Variants in PDE2A observed in about 807,000 individuals in gnomAD.
PDE2A encodes the protein cGMP-dependent 3',5'-cyclic phosphodiesterase.
PDE2A carries 53 observed loss-of-function variants against 133.6 expected under a neutral mutation model. That is an observed-to-expected ratio of 0.40 (90% CI 0.32 to 0.50). The LOEUF is 0.50. PDE2A is among the 20% of genes least tolerant of loss of function. PDE2A has a pLI of 0.73. For missense variants in PDE2A, 796 were observed against 1,232.4 expected, an observed-to-expected ratio of 0.65 and a Z score of 5.30; for synonymous variants, 491 against 490.2, an observed-to-expected ratio of 1.00 and a Z score of -0.02.
intron 1 of PDE2A, among the ~76,000 whole-genome samples, chr11:72,660,068 T>A (rs1855008390): frequency 6.6e-6 from 1 of 151,938 alleles, no homozygotes; most frequent in Non-Finnish European, 1.5e-5. Flanking sequence ...CTATAAGAAG[T>A]CCCCCTCAAA....
intron 1 of PDE2A, among the ~76,000 whole-genome samples, chr11:72,649,004 C>A (rs1174606769): frequency 3.3e-5 from 5 of 152,178 alleles, no homozygotes; most frequent in Non-Finnish European, 5.9e-5. Context: ...ACACCTAAAT[C>A]TGATTCTGCC....
chr11:72,583,880 G>A (rs1004012321), intron 19 of PDE2A, among the ~76,000 whole-genome samples: 2 of 152,204 alleles, frequency 1.3e-5, no homozygotes, highest in African/African-American at 2.4e-5. Context: ...CCTGGACACC[G>A]AGACCCAGCA....
chr11:72,613,552 C>T (rs1435191027), intron 2 of PDE2A, among the ~76,000 whole-genome samples: 1 of 151,948 alleles, frequency 6.6e-6, no homozygotes, highest in Non-Finnish European at 1.5e-5. Context: ...CACTCCTGTT[C>T]CTCTCCAGGA....
intron 2 of PDE2A, among the ~76,000 whole-genome samples, chr11:72,614,791 A>C (rs1255041471): frequency 6.6e-6 from 1 of 152,130 alleles, no homozygotes; most frequent in Non-Finnish European, 1.5e-5. Flanking sequence ...AGAACAGCCA[A>C]TGAGGGGACG....
At chr11:72,665,501 A>G (rs1189423292) in intron 1 of PDE2A, among the ~76,000 whole-genome samples, 3 of 151,832 alleles carry the variant, frequency 2.0e-5, no homozygotes, top group African/African-American at 4.8e-5. Context: ...GCACAGTCTA[A>G]CCTTGCACCT....
intron 1 of PDE2A, among the ~76,000 whole-genome samples, chr11:72,673,652 T>G (rs1467208099): frequency 6.6e-6 from 1 of 152,064 alleles, no homozygotes; most frequent in African/African-American, 2.4e-5. Context: ...TAACCCTCTC[T>G]TGCTCCAGGG....
Position 72,580,956 on chromosome 11 carries a change from G to A in PDE2A, c.2063C>T (p.Ala688Val), listed in dbSNP as rs1455065240. Reference sequence around the variant, plus strand: ...ATGACACATGCAGGAAATAAACAAGGCAAAGATCTCGATGTCCCTGGTTGA... The same window carrying A: ...ATGACACATGCAGGAAATAAACAAGACAAAGATCTCGATGTCCCTGGTTGA... The part of the protein sequence containing the change: ...TNYLEDIEIF[A>V]LFISCMCHDL... Residue 688 changes from alanine to valine, a missense_variant, in exon 24 of 31, where the codon GCC (alanine) becomes GTC (valine). Transcript: ENST00000334456. The A allele has an allele frequency of 6.2e-7, 1 of 1,612,398 alleles. No homozygotes were observed. The highest frequency in any genetic ancestry group is 1.1e-5 in the South Asian group (1 of 91,026).
At chr11:72,579,989 T>G in intron 25 of PDE2A, 1 of 218,448 alleles carries the variant, frequency 4.6e-6, no homozygotes, top group Non-Finnish European at 9.1e-6. Flanking sequence ...GGCCCCCATT[T>G]CCGGATGCTG....
chr11:72,653,808 A>C lies in PDE2A; in HGVS notation c.72-11482T>G, dbSNP rs75651032. 6.4e-3 allele frequency among the ~76,000 whole-genome samples: 976 copies of C among 152,350 alleles called. 17 individuals are homozygous for C. Among genetic ancestry groups the C allele is most frequent in the African/African-American group, 0.022 (932 of 41,576 alleles). ...CAGCCTCGCCTGTCCCCTAGAACAC[A>C]GAATCATCTGGGCACAGAAGCTCAG... On this transcript the variant is annotated intron_variant, in intron 1 of 30. Transcript: ENST00000334456.
chr11:72,636,397 T>C lies in PDE2A; in HGVS notation c.144+5857A>G, dbSNP rs117319858. Among the ~76,000 whole-genome samples, 980 of 152,368 alleles carry C rather than the reference T, an allele frequency of 6.4e-3. 20 individuals are homozygous for C. Among genetic ancestry groups the C allele is most frequent in the Admixed American group, 0.044 (670 of 15,310 alleles). The stretch of plus-strand genomic sequence containing the variant: ...ATTAAGTATTACATTTCACAGATTG[T>C]TTTGATTATTGAATTCTGAACACCC... On this transcript the variant is annotated intron_variant, in intron 2 of 30. Transcript: ENST00000334456.
chr11:72,668,731 A>C (rs1360075390), intron 1 of PDE2A, among the ~76,000 whole-genome samples: 2 of 152,228 alleles, frequency 1.3e-5, no homozygotes, highest in East Asian at 3.8e-4. Flanking sequence ...CCCCTTCTTC[A>C]CCAAGCCCTT....
rs187772886 is a variant in PDE2A at position 72,649,753 on chromosome 11, C to T, written c.72-7427G>A. On this transcript the variant is annotated intron_variant, in intron 1 of 30. Transcript: ENST00000334456. The stretch of plus-strand genomic sequence containing the variant: ...GCCGGCTCCTTCCCATGTGGGATGG[C>T]TGTGCCTGACACAGACTCCTTCCAC... 2.4e-4 allele frequency among the ~76,000 whole-genome samples: 36 copies of T among 152,292 alleles called. 1 individual carries two copies. The highest frequency in any genetic ancestry group is 6.8e-3 in the Middle Eastern group (2 of 294).
chr11:72,577,457 T>G lies in PDE2A; in HGVS notation c.2753A>C (p.Glu918Ala). Residue 918 changes from glutamate (E) to alanine (A), a missense_variant, in exon 31 of 31, where the codon GAG (glutamate) becomes GCG (alanine). Coordinates refer to ENST00000334456, the MANE Select transcript of PDE2A (RefSeq NM_002599.5). The part of the protein sequence containing the change: ...PSNNSLDFLD[E>A]EYEVPDLDGT... ...ATCCAGATCAGGCACCTCGTACTCC[T>G]CATCCAGGAAGTCCAGCGAGTTGTT... The G allele has an allele frequency of 1.2e-6, 2 of 1,614,040 alleles. No individual in the cohort carries two copies. Among genetic ancestry groups the G allele is most frequent in the South Asian group, 1.1e-5 (1 of 91,078 alleles).
At chr11:72,585,016 G>A in intron 16 of PDE2A, 72 bp from the exon 17 acceptor site, 2 of 1,464,968 alleles carry the variant, frequency 1.4e-6, no homozygotes, top group Non-Finnish European at 1.9e-6. Flanking sequence ...CCATAAGGAG[G>A]CAAAGGCCGG....
intron 1 of PDE2A, among the ~76,000 whole-genome samples, chr11:72,667,373 C>G (rs1855266437): frequency 6.6e-6 from 1 of 152,196 alleles, no homozygotes; most frequent in South Asian, 2.1e-4. Context: ...TAGCCTGTCC[C>G]AGAACCATGA....
chr11:72,671,006 A>G (rs1338226433), intron 1 of PDE2A, among the ~76,000 whole-genome samples: 1 of 152,116 alleles, frequency 6.6e-6, no homozygotes, highest in African/African-American at 2.4e-5. Context: ...GGCTGCACTG[A>G]GTCAGGTGCC....
At chr11:72,624,859 T>A (rs1005339441) in intron 2 of PDE2A, among the ~76,000 whole-genome samples, 1 of 152,214 alleles carries the variant, frequency 6.6e-6, no homozygotes, top group South Asian at 2.1e-4. Flanking sequence ...CAGTACCCTA[T>A]GATCATGGTC....
chr11:72,616,089 G>C (rs1479000526), intron 2 of PDE2A, among the ~76,000 whole-genome samples: 6 of 152,196 alleles, frequency 3.9e-5, no homozygotes, highest in East Asian at 1.9e-4. Context: ...AGGCAGGCAT[G>C]GTGGCTCAAG....
At chr11:72,656,698 T>G (rs997006299) in intron 1 of PDE2A, among the ~76,000 whole-genome samples, 5 of 151,866 alleles carry the variant, frequency 3.3e-5, no homozygotes, top group Non-Finnish European at 7.4e-5. Context: ...TCGGAGGTAG[T>G]GATTACCTGG....
Sources: gnomAD v4.1 joint callset for allele counts (sites outside exome capture counted in the v4.1 genomes callset) on GRCh38, gnomAD v4.1.1 for gene constraint, MANE v1.5 for transcripts, NCBI Gene and HGNC (gene_info 2026-07-23, HGNC 2026-07-21) for gene names.